Variants in MEGF11 observed in about 807,000 individuals in gnomAD.
MEGF11 encodes the protein multiple epidermal growth factor-like domains protein 11.
In MEGF11, 126 loss-of-function variants were observed where a neutral mutation model predicts 146.6. The observed-to-expected ratio is 0.86, with a 90% CI of 0.74 to 1.00. The LOEUF is 1.00. Among genes scored for constraint, MEGF11 ranks in the 50% least tolerant of loss-of-function variants. The pLI, the probability that MEGF11 is intolerant of heterozygous loss-of-function variation, is 0.00. For missense variants in MEGF11, 1,509 were observed against 1,521.2 expected (o/e 0.99, Z 0.13); for synonymous variants, 532 against 583.4 (o/e 0.91, Z 1.27).
intron 1 of MEGF11, among the ~76,000 whole-genome samples, chr15:66,246,648 A>T (rs56399421): frequency 0.069 from 10,409 of 150,580 alleles, 472 homozygotes; most frequent in African/African-American, 0.13. Flanking sequence ...CCACCAAAAA[A>T]AAAAATAAAA....
At chr15:66,177,328 A>G (rs545943711) in intron 1 of MEGF11, among the ~76,000 whole-genome samples, 138 of 152,258 alleles carry the variant, frequency 9.1e-4, no homozygotes, top group African/African-American at 3.3e-3. Flanking sequence ...AAAAGTAGAA[A>G]ACTTACCATA....
intron 5 of MEGF11, among the ~76,000 whole-genome samples, chr15:66,091,009 A>C (rs376934631): frequency 6.6e-6 from 1 of 152,352 alleles, no homozygotes; most frequent in Admixed American, 6.5e-5. Context: ...CTTTTGCTAC[A>C]GTTTGATTTT....
chr15:65,917,030 G>C, intron 16 of MEGF11, 74 bp from the exon 17 acceptor site: 32 of 1,381,912 alleles, frequency 2.3e-5, no homozygotes, highest in Non-Finnish European at 2.8e-5. Flanking sequence ...AGAAGGGGGA[G>C]TACATGTCAG....
intron 1 of MEGF11, among the ~76,000 whole-genome samples, chr15:66,246,139 C>T (rs1170861761): frequency 6.6e-6 from 1 of 152,126 alleles, no homozygotes; most frequent in African/African-American, 2.4e-5. Context: ...AGCCTGTAAT[C>T]CCAGCTACTC....
chr15:66,242,750 G>C (rs2092235539), intron 1 of MEGF11, among the ~76,000 whole-genome samples: 1 of 152,102 alleles, frequency 6.6e-6, no homozygotes, highest in African/African-American at 2.4e-5. Flanking sequence ...CCACCTCGAG[G>C]TCCTCTCCCA....
At chr15:65,898,983 A>C (rs758186894) in intron 24 of MEGF11, 49 bp from the exon 25 acceptor site, 1 of 1,588,322 alleles carries the variant, frequency 6.3e-7, no homozygotes, top group South Asian at 1.1e-5. Flanking sequence ...ACAAGTCTTC[A>C]TGTTAATATC....
intron 3 of MEGF11, 69 bp from the exon 4 acceptor site, chr15:66,119,255 G>C: frequency 8.9e-7 from 1 of 1,125,142 alleles, no homozygotes; most frequent in Non-Finnish European, 1.3e-6. Context: ...AATGATATTT[G>C]TGTTAAGCTA....
chr15:66,189,206 C>T (rs890114691), intron 1 of MEGF11, among the ~76,000 whole-genome samples: 5 of 152,200 alleles, frequency 3.3e-5, no homozygotes, highest in Admixed American at 1.3e-4. Context: ...TTGTGTTCTG[C>T]GGAGCACGGA....
At chr15:65,965,807 G>C (rs1198794829) in intron 8 of MEGF11, among the ~76,000 whole-genome samples, 1 of 151,702 alleles carries the variant, frequency 6.6e-6, no homozygotes, top group Non-Finnish European at 1.5e-5. Context: ...TGGGTATTTT[G>C]TTATAGCAGC....
intron 5 of MEGF11, among the ~76,000 whole-genome samples, chr15:66,008,275 A>C (rs923843976): frequency 6.6e-6 from 1 of 152,172 alleles, no homozygotes; most frequent in Non-Finnish European, 1.5e-5. Context: ...GGGGTCCCTG[A>C]GTCCTACCCT....
At chr15:66,121,074 T>C (rs2140921742) in intron 3 of MEGF11, among the ~76,000 whole-genome samples, 1 of 152,280 alleles carries the variant, frequency 6.6e-6, no homozygotes, top group Non-Finnish European at 1.5e-5. Flanking sequence ...CTCTAGGTCA[T>C]CAGGAAAGCT....
At chr15:66,220,515 G>A (rs2091706431) in intron 1 of MEGF11, among the ~76,000 whole-genome samples, 1 of 137,402 alleles carries the variant, frequency 7.3e-6, no homozygotes, top group Admixed American at 8.1e-5. Flanking sequence ...AGCACAAGGA[G>A]GTTTCGTTGG....
At chr15:66,235,699 G>T (rs961319406) in intron 1 of MEGF11, among the ~76,000 whole-genome samples, 5 of 152,170 alleles carry the variant, frequency 3.3e-5, no homozygotes, top group African/African-American at 2.4e-5. Context: ...CTAAACTCCA[G>T]AAGAGCCTGG....
At chr15:66,218,985 A>AAAAAAAAAAAAAAAAAAC in intron 1 of MEGF11, among the ~76,000 whole-genome samples, 3 of 151,080 alleles carry the variant, frequency 2.0e-5, no homozygotes, top group African/African-American at 7.3e-5. Context: ...CAGGCAAAAA[A>AAAAAAAAAAAAAAAAAAC]AAAAAAAAAA....
At chr15:66,176,052 A>G (rs1400449944) in intron 1 of MEGF11, among the ~76,000 whole-genome samples, 2 of 152,234 alleles carry the variant, frequency 1.3e-5, no homozygotes, top group African/African-American at 4.8e-5. Context: ...TGACCAATAA[A>G]CATATATAAA....
intron 1 of MEGF11, among the ~76,000 whole-genome samples, chr15:66,134,607 G>A (rs1342040807): frequency 3.9e-5 from 6 of 152,190 alleles, no homozygotes; most frequent in Non-Finnish European, 7.3e-5. Flanking sequence ...CTGAAGACAA[G>A]TCAGCCTCCC....
At chr15:66,023,725 C>G (rs539304583) in intron 5 of MEGF11, among the ~76,000 whole-genome samples, 7 of 152,296 alleles carry the variant, frequency 4.6e-5, no homozygotes, top group South Asian at 2.1e-4. Flanking sequence ...GATTACAGAC[C>G]CTGCTGCCCT....
chr15:66,013,948 T>C (rs2082795153), intron 5 of MEGF11, among the ~76,000 whole-genome samples: 1 of 152,156 alleles, frequency 6.6e-6, no homozygotes, highest in African/African-American at 2.4e-5. Flanking sequence ...AATCTGAACT[T>C]CCTTTCTGGG....
At chr15:66,105,540 A>G (rs893899567) in intron 4 of MEGF11, among the ~76,000 whole-genome samples, 3 of 152,204 alleles carry the variant, frequency 2.0e-5, no homozygotes, top group Non-Finnish European at 2.9e-5. Flanking sequence ...TTCAATTACT[A>G]TGTGCTGGCG....
Sources: allele counts gnomAD v4.1 joint callset (sites outside exome capture counted in the v4.1 genomes callset), GRCh38; gene constraint gnomAD v4.1.1; transcripts MANE v1.5; gene names NCBI Gene and HGNC (gene_info 2026-07-23, HGNC 2026-07-21).